Variants in PCDHGB6 observed in about 807,000 individuals in gnomAD.
The protein encoded by PCDHGB6 is protocadherin gamma subfamily B, 6.
In PCDHGB6, 51 loss-of-function variants were observed where a neutral mutation model predicts 59.1. The observed-to-expected ratio is 0.86, with a 90% CI of 0.69 to 1.09. The LOEUF is 1.09. Ranked by LOEUF, PCDHGB6 falls within the 50% of genes least tolerant of loss-of-function variation. PCDHGB6 has a pLI of 0.00. For synonymous variants in PCDHGB6, 466 were observed against 495.1 expected, an observed-to-expected ratio of 0.94 and a Z score of 0.78; for missense variants, 1,148 against 1,205.1, an observed-to-expected ratio of 0.95 and a Z score of 0.70.
chr5:141,421,538 T>A, intron 1 of PCDHGB6: 2 of 1,614,028 alleles, frequency 1.2e-6, no homozygotes, highest in Non-Finnish European at 1.7e-6. Context: ...TCCTCCTGTT[T>A]TTTAAATATG....
rs181202785 is a variant in PCDHGB6, at chr5:141,458,320, G to A, written c.2419-36487G>A. On this transcript the variant is annotated intron_variant, in intron 1 of 3. Transcript: ENST00000520790. ...TTTAGATAAAATGACACAGACACAT[G>A]TGGAGTGGTTTTAAGGAGTGGAGAG... is the stretch of plus-strand genomic sequence containing the variant. Among the ~76,000 whole-genome samples the A allele has an allele frequency of 3.2e-3, 490 of 152,250 alleles. 4 individuals are homozygous for A. The highest frequency in any genetic ancestry group is 0.017 in the Middle Eastern group (5 of 294).
At chr5:141,423,089 G>A in intron 1 of PCDHGB6, 1 of 1,614,016 alleles carries the variant, frequency 6.2e-7, no homozygotes, top group Non-Finnish European at 8.5e-7. Flanking sequence ...TTCGCGGTGG[G>A]GGAGCACACG....
intron 1 of PCDHGB6, chr5:141,422,052 C>T: frequency 6.2e-7 from 1 of 1,611,298 alleles, no homozygotes; most frequent in Non-Finnish European, 8.5e-7. Flanking sequence ...AGGGAATCAA[C>T]GGGGAAGTAA....
chr5:141,466,977 C>T (rs2099133275), intron 1 of PCDHGB6, among the ~76,000 whole-genome samples: 1 of 151,786 alleles, frequency 6.6e-6, no homozygotes. Flanking sequence ...CACAGCTCAT[C>T]ATTTACCTTT....
intron 3 of PCDHGB6, among the ~76,000 whole-genome samples, chr5:141,509,568 C>T (rs535982453): frequency 3.3e-5 from 5 of 152,336 alleles, no homozygotes; most frequent in Admixed American, 2.0e-4. Flanking sequence ...GCAGCCTTCA[C>T]AGTGCGTACA....
rs755576652 is a variant in PCDHGB6 at position 141,410,511 on chromosome 5, G to A, written c.2309G>A (p.Ser770Asn). 4.3e-6 allele frequency: 7 copies of A among 1,613,942 alleles called. No individual in the cohort carries two copies. In the Admixed American group the frequency reaches 8.3e-5, roughly 19 times the overall value. Residue 770 changes from serine (S) to asparagine (N), a missense_variant, in exon 1 of 4, where the codon AGT becomes AAT. By Grantham distance (46) the Ser-to-Asn change is conservative. This residue lies in a region of PCDHGB6 where 283 missense variants were observed against 318.6 expected (regional missense o/e 0.89). Transcript: ENST00000520790. The part of the protein sequence containing the change: ...GTKEFNFLKC[S>N]VPLHSNEDMV... ...AAAGAGTTTAATTTCCTAAAATGCA[G>A]TGTGCCCCTACATTCCAATGAAGAC... is the stretch of plus-strand genomic sequence containing the variant.
intron 1 of PCDHGB6, chr5:141,414,158 G>C: frequency 6.2e-7 from 1 of 1,602,572 alleles, no homozygotes; most frequent in Non-Finnish European, 8.5e-7. Context: ...GCAGAAGATG[G>C]AGGAGCATAT....
At chr5:141,451,892 A>C (rs1215224398) in intron 1 of PCDHGB6, among the ~76,000 whole-genome samples, 2 of 152,114 alleles carry the variant, frequency 1.3e-5, no homozygotes, top group Non-Finnish European at 2.9e-5. Context: ...AAAGAAAGGA[A>C]GGAACAAGGG....
intron 1 of PCDHGB6, chr5:141,427,887 C>T (rs759734297): frequency 3.8e-6 from 6 of 1,565,908 alleles, no homozygotes; most frequent in South Asian, 1.1e-5. Flanking sequence ...GGCCCACGAC[C>T]AGGGCTCGCC....
At chr5:141,505,538 T>C in intron 3 of PCDHGB6, 57 bp downstream of exon 3, 1 of 1,610,262 alleles carries the variant, frequency 6.2e-7, no homozygotes, top group Non-Finnish European at 8.5e-7. Context: ...CTGGGGTGCA[T>C]CTCACAGCCA....
chr5:141,505,597 T>C, intron 3 of PCDHGB6, 116 bp downstream of exon 3: 1 of 1,558,330 alleles, frequency 6.4e-7, no homozygotes, highest in Non-Finnish European at 8.7e-7. Context: ...TCCAGATCTT[T>C]CGGCAGGTCT....
chr5:141,491,291 C>A lies in PCDHGB6; in HGVS notation c.2419-3516C>A. The A allele has an allele frequency of 8.1e-6, 13 of 1,614,152 alleles. No individual in the cohort carries two copies. Among genetic ancestry groups the A allele is most frequent in the Non-Finnish European group, 1.1e-5 (13 of 1,179,974 alleles). On this transcript the variant is annotated intron_variant, in intron 1 of 3. Transcript: ENST00000520790. This position sits in a 1 kb window ranked among gnomAD's most constrained non-coding sequence, Gnocchi z 6.9. The stretch of plus-strand genomic sequence containing the variant: ...AAATCCAGTGACTTCCTCATACACC[C>A]TCCTGAGCGTTCAGACCTTACCCTT...
chr5:141,499,582 T>C (rs952280239), intron 2 of PCDHGB6, among the ~76,000 whole-genome samples: 7 of 152,164 alleles, frequency 4.6e-5, no homozygotes, highest in African/African-American at 7.2e-5. Flanking sequence ...TAATGCCTTA[T>C]CTTGTTTCAC....
rs1335023784 is a variant in PCDHGB6 at position 141,490,877 on chromosome 5, C to CCAA, written c.2419-3927_2419-3925dup. 2.5e-6 allele frequency: 4 copies of CCAA among 1,613,762 alleles called. No homozygotes were observed. Among genetic ancestry groups the CCAA allele is most frequent in the Non-Finnish European group, 3.4e-6 (4 of 1,179,908 alleles). On this transcript the variant is annotated intron_variant, in intron 1 of 3. Transcript: ENST00000520790. This position sits in a 1 kb window ranked among gnomAD's most constrained non-coding sequence, Gnocchi z 5.4. ...GACTCCGGCTCTCCCCCATTGCATG[C>CCAA]CAACACATCTCTGCATGTGTTTGTC...
intron 1 of PCDHGB6, among the ~76,000 whole-genome samples, chr5:141,483,201 C>A (rs2099578254): frequency 6.6e-6 from 1 of 152,108 alleles, no homozygotes; most frequent in Non-Finnish European, 1.5e-5. Context: ...TTATTTTATT[C>A]CATATAGATG....
Position 141,476,472 on chromosome 5 carries a change from T to C in PCDHGB6, c.2419-18335T>C. On this transcript the variant is annotated intron_variant, in intron 1 of 3. Coordinates refer to ENST00000520790, the MANE Select transcript of PCDHGB6 (RefSeq NM_018926.3). The surrounding 1 kb of genome is among the most constrained non-coding windows in gnomAD (Gnocchi z 7.6). The stretch of plus-strand genomic sequence containing the variant: ...GTAGTGGAGAACCCGCTGGAGCTGT[T>C]CAGCGTGGAAGTGGTGATCCAGGAC... 1 of 1,614,098 alleles carries C rather than the reference T, an allele frequency of 6.2e-7. No homozygotes were observed. The highest frequency in any genetic ancestry group is 8.5e-7 in the Non-Finnish European group (1 of 1,180,024).
intron 2 of PCDHGB6, among the ~76,000 whole-genome samples, chr5:141,500,020 T>A (rs905529317): frequency 6.6e-6 from 1 of 151,918 alleles, no homozygotes; most frequent in Non-Finnish European, 1.5e-5. Flanking sequence ...ACATTTTATA[T>A]TTGAGTGAGT....
intron 2 of PCDHGB6, among the ~76,000 whole-genome samples, chr5:141,496,565 T>C (rs2099769541): frequency 6.6e-6 from 1 of 152,136 alleles, no homozygotes; most frequent in African/African-American, 2.4e-5. Context: ...CACAGTCCTG[T>C]CACCCATTTT....
At chr5:141,474,419 A>AT (rs1348108901) in intron 1 of PCDHGB6, among the ~76,000 whole-genome samples, 1 of 152,204 alleles carries the variant, frequency 6.6e-6, no homozygotes, top group Non-Finnish European at 1.5e-5. Context: ...TGCCTAGACC[A>AT]TTGGTCCTCA....
Sources: allele counts gnomAD v4.1 joint callset (sites outside exome capture counted in the v4.1 genomes callset), GRCh38; gene constraint gnomAD v4.1.1; regional missense constraint gnomAD v4.1.1; non-coding constraint Gnocchi (gnomAD v3.1); transcripts MANE v1.5; gene names NCBI Gene and HGNC (gene_info 2026-07-23, HGNC 2026-07-21).